The following PPARGC1A variants were observed in gnomAD, a reference collection of about 807,000 sequenced individuals.
PPARGC1A encodes peroxisome proliferator-activated receptor gamma coactivator 1-alpha.
Under a neutral mutation model 88.7 loss-of-function variants are expected in PPARGC1A, and 25 were observed. The ratio of observed to expected loss-of-function variants is 0.28; its 90% CI spans 0.21 to 0.39. The LOEUF (loss-of-function observed/expected upper bound fraction) is 0.39, where lower values mean the gene tolerates loss of function less well. Ranked by LOEUF, PPARGC1A falls within the 10% of genes least tolerant of loss-of-function variation. PPARGC1A has a pLI of 1.00. For synonymous variants in PPARGC1A, 363 were observed against 355.6 expected (o/e 1.02, Z -0.24); for missense variants, 880 against 968.7 (o/e 0.91, Z 1.22).
At chr4:23,922,475 T>C in the PPARGC1A span, among the ~76,000 whole-genome samples, 3 of 152,194 alleles carry the variant, frequency 2.0e-5, no homozygotes, top group Non-Finnish European at 4.4e-5. Flanking sequence ...ATGAACTCCA[T>C]CATGTTTTAA....
At chr4:23,913,903 G>A in the PPARGC1A span, among the ~76,000 whole-genome samples, 1 of 152,170 alleles carries the variant, frequency 6.6e-6, no homozygotes, top group South Asian at 2.1e-4. Context: ...CATTCTACAG[G>A]CTGCACCTCA....
chr4:24,461,964 C>T, the PPARGC1A span, among the ~76,000 whole-genome samples: 3 of 150,504 alleles, frequency 2.0e-5, no homozygotes, highest in African/African-American at 7.4e-5. Context: ...AAAGCACTAA[C>T]TGTTTTCTAT....
the PPARGC1A span, among the ~76,000 whole-genome samples, chr4:24,225,152 A>G: frequency 1.1e-4 from 16 of 152,230 alleles, no homozygotes; most frequent in Admixed American, 1.0e-3. Context: ...AGTTTTTAAC[A>G]GAGCCTGCTG....
chr4:24,010,121 G>A, the PPARGC1A span, among the ~76,000 whole-genome samples: 1 of 152,098 alleles, frequency 6.6e-6, no homozygotes, highest in African/African-American at 2.4e-5. Flanking sequence ...GTCAAATATT[G>A]GCCTCTCCTA....
intron 1 of PPARGC1A, chr4:23,889,111 CAG>C: frequency 6.1e-6 from 6 of 985,364 alleles, no homozygotes; most frequent in Non-Finnish European, 7.2e-6. Flanking sequence ...TTGTAGCCAG[CAG>C]AGACTGTGGA....
chr4:24,176,321 C>T, the PPARGC1A span, among the ~76,000 whole-genome samples: 4 of 152,086 alleles, frequency 2.6e-5, no homozygotes, highest in African/African-American at 9.7e-5. Flanking sequence ...TTTCTTTTTG[C>T]AACATATCTC....
chr4:24,012,845 G>C, the PPARGC1A span, among the ~76,000 whole-genome samples: 1 of 152,094 alleles, frequency 6.6e-6, no homozygotes, highest in Non-Finnish European at 1.5e-5. Context: ...GCATTCCTTT[G>C]TAGCTCTGTG....
At chr4:24,461,478 A>AGAGGGAGAG in the PPARGC1A span, among the ~76,000 whole-genome samples, 2 of 152,220 alleles carry the variant, frequency 1.3e-5, no homozygotes, top group Non-Finnish European at 2.9e-5. Flanking sequence ...AGAGAAAGAA[A>AGAGGGAGAG]GAGGGAGAGA....
the PPARGC1A span, among the ~76,000 whole-genome samples, chr4:24,111,127 G>A: frequency 1.4e-3 from 208 of 152,162 alleles, 1 homozygote; most frequent in Non-Finnish European, 1.8e-3. Context: ...TATTGCAAAC[G>A]TTACTTATTA....
chr4:24,247,483 T>C, the PPARGC1A span, among the ~76,000 whole-genome samples: 7 of 152,164 alleles, frequency 4.6e-5, no homozygotes, highest in Non-Finnish European at 1.0e-4. Flanking sequence ...CTTATCATCA[T>C]TATGATGATA....
chr4:24,220,789 A>G, the PPARGC1A span, among the ~76,000 whole-genome samples: 44 of 152,338 alleles, frequency 2.9e-4, no homozygotes, highest in African/African-American at 1.1e-3. Flanking sequence ...TATTTCAGCT[A>G]CTGGATCATT....
chr4:24,097,729 A>G, the PPARGC1A span, among the ~76,000 whole-genome samples: 1 of 152,322 alleles, frequency 6.6e-6, no homozygotes, highest in Non-Finnish European at 1.5e-5. Context: ...CACTGTAGTC[A>G]TTGTATTTCA....
chr4:24,105,139 C>A, the PPARGC1A span, among the ~76,000 whole-genome samples: 1 of 152,178 alleles, frequency 6.6e-6, no homozygotes, highest in African/African-American at 2.4e-5. Flanking sequence ...ATTCTTCTGG[C>A]AGAAAGGCTT....
At chr4:23,965,112 C>A in the PPARGC1A span, among the ~76,000 whole-genome samples, 5 of 152,266 alleles carry the variant, frequency 3.3e-5, no homozygotes, top group Non-Finnish European at 5.9e-5. Context: ...CCGTATCTGA[C>A]CACTAAGGAC....
the PPARGC1A span, among the ~76,000 whole-genome samples, chr4:24,121,881 A>G: frequency 6.6e-6 from 1 of 152,174 alleles, no homozygotes. Flanking sequence ...GAGGAGAACA[A>G]TCTGATTTTA....
At chr4:24,432,373 G>C in the PPARGC1A span, among the ~76,000 whole-genome samples, 1 of 152,152 alleles carries the variant, frequency 6.6e-6, no homozygotes, top group East Asian at 1.9e-4. Flanking sequence ...CAGGGTGAGG[G>C]AGAGCTCATT....
the PPARGC1A span, among the ~76,000 whole-genome samples, chr4:24,176,801 G>A: frequency 6.6e-6 from 1 of 152,130 alleles, no homozygotes; most frequent in African/African-American, 2.4e-5. Flanking sequence ...GTCGAAAAGT[G>A]GGGGTGCAGG....
the PPARGC1A span, among the ~76,000 whole-genome samples, chr4:23,914,152 C>T: frequency 6.6e-6 from 1 of 152,028 alleles, no homozygotes; most frequent in African/African-American, 2.4e-5. Flanking sequence ...AGAGTATTCC[C>T]CTAATATAAT....
the PPARGC1A span, among the ~76,000 whole-genome samples, chr4:24,275,036 G>A: frequency 6.6e-6 from 1 of 152,214 alleles, no homozygotes; most frequent in Non-Finnish European, 1.5e-5. Flanking sequence ...CATCTATTCA[G>A]AGGATAGTCT....
Sources: gnomAD v4.1 joint callset for allele counts (sites outside exome capture counted in the v4.1 genomes callset) on GRCh38, gnomAD v4.1.1 for gene constraint, MANE v1.5 for transcripts, NCBI Gene and HGNC (gene_info 2026-07-23, HGNC 2026-07-21) for gene names.